DNAAF5: variants seen among roughly 807,000 people sequenced by gnomAD.
DNAAF5 encodes dynein axonemal assembly factor 5, also known as HEAT repeat containing 2.
In DNAAF5, 64 loss-of-function variants were observed where a neutral mutation model predicts 75.8. The observed-to-expected ratio is 0.84, with a 90% CI of 0.69 to 1.04. The LOEUF is 1.04. Ranked by LOEUF, DNAAF5 falls within the 50% of genes least tolerant of loss-of-function variation. DNAAF5 has a pLI of 0.00. For synonymous variants in DNAAF5, 657 were observed against 557.2 expected, an observed-to-expected ratio of 1.18 and a Z score of -2.52; for missense variants, 1,269 against 1,178.5, an observed-to-expected ratio of 1.08 and a Z score of -1.12.
At chr7:732,784 G>C (rs1781626977) in intron 2 of DNAAF5, among the ~76,000 whole-genome samples, 1 of 152,146 alleles carries the variant, frequency 6.6e-6, no homozygotes, top group African/African-American at 2.4e-5. Context: ...CATCCTGTGG[G>C]TTGTCTCCTC....
chr7:745,522 C>T lies in DNAAF5; in HGVS notation c.1024+4057C>T, dbSNP rs182849624. Among the ~76,000 whole-genome samples, 143 of 152,332 alleles carry T rather than the reference C, an allele frequency of 9.4e-4. No homozygotes were observed. In the East Asian group the frequency reaches 0.013, roughly 14 times the overall value. ...TCGCACACACGTGCACATATGCACA[C>T]GTGTGTACATGCATATCGTCACACG... On this transcript the variant is annotated intron_variant, in intron 4 of 12. Coordinates refer to ENST00000297440, the MANE Select transcript of DNAAF5 (RefSeq NM_017802.4).
intron 11 of DNAAF5, among the ~76,000 whole-genome samples, chr7:775,419 A>T (rs1241310623): frequency 2.0e-5 from 3 of 151,914 alleles, no homozygotes. Flanking sequence ...GGTGGCACAC[A>T]CCTGTAGTCC....
In DNAAF5 at chr7:775,174, CTGT is replaced by C. The variant is rs1562399807; in HGVS notation, c.2239+17_2239+19del. On this transcript the variant is annotated intron_variant, in intron 11 of 12. Coordinates refer to ENST00000297440, the MANE Select transcript of DNAAF5 (RefSeq NM_017802.4). ...CAGGATTTATCCTGGTAGGACATTT[CTGT>C]TGTTCACAGCCTGTGTATATGCAGT... The C allele has an allele frequency of 1.9e-6, 3 of 1,613,608 alleles. No homozygotes were observed. In the South Asian group the frequency reaches 3.3e-5, roughly 18 times the overall value.
At chr7:785,240 G>T (rs927569170) in intron 12 of DNAAF5, among the ~76,000 whole-genome samples, 1 of 148,292 alleles carries the variant, frequency 6.7e-6, no homozygotes, top group African/African-American at 2.4e-5. Flanking sequence ...ATCCAGCAGC[G>T]TCAGGTCATT....
chr7:757,171 C>T (rs939520429), intron 6 of DNAAF5, among the ~76,000 whole-genome samples, 177 bp downstream of exon 6: 1 of 152,270 alleles, frequency 6.6e-6, no homozygotes, highest in Non-Finnish European at 1.5e-5. Context: ...TCGGAAACAC[C>T]TGCAGTAACC....
chr7:775,254 CAG>C, intron 11 of DNAAF5, 92 bp downstream of exon 11: 2 of 1,145,026 alleles, frequency 1.7e-6, no homozygotes, highest in East Asian at 2.4e-5. Flanking sequence ...CACCCAAACT[CAG>C]ATCAAAACTA....
intron 4 of DNAAF5, among the ~76,000 whole-genome samples, chr7:742,817 GCCCCGCTCAAATCAATC>G: frequency 7.3e-6 from 1 of 137,144 alleles, no homozygotes; most frequent in Non-Finnish European, 1.5e-5. Flanking sequence ...CAAATCACAT[GCCCCGCTCAAATCAATC>G]ATGCCCAGCT....
At chr7:735,249 C>T (rs1036930049) in intron 2 of DNAAF5, among the ~76,000 whole-genome samples, 2 of 138,000 alleles carry the variant, frequency 1.4e-5, no homozygotes, top group South Asian at 2.3e-4. Flanking sequence ...TACCGTTGCT[C>T]GTGGTGTTGT....
At chr7:777,685 C>G (rs1778808276) in intron 11 of DNAAF5, among the ~76,000 whole-genome samples, 1 of 152,200 alleles carries the variant, frequency 6.6e-6, no homozygotes, top group African/African-American at 2.4e-5. Context: ...AAAGATGGTT[C>G]TTGCTAATTC....
In DNAAF5 at chr7:726,886, G is replaced by A; in HGVS notation, c.166G>A (p.Ala56Thr). Residue 56 changes from alanine (A) to threonine (T), a missense_variant, in exon 1 of 13, where the codon GCG (alanine) becomes ACG (threonine). Ala to Thr is a moderately conservative substitution (Grantham distance 58, BLOSUM62 0). Transcript: ENST00000297440. ...GCGCGCCTTGGAGGCCCTGCGGCGC[G>A]CGCTGGAGGAGCCAGGCCCTGCCGC... Reference protein sequence around the residue: ...RRRALEALRRALEEPGPAADP... With the variant: ...RRRALEALRRTLEEPGPAADP... The A allele has an allele frequency of 7.5e-7, 1 of 1,330,312 alleles. No homozygotes were observed. Among genetic ancestry groups the A allele is most frequent in the Non-Finnish European group, 9.6e-7 (1 of 1,042,600 alleles). 82.4% of individuals were successfully genotyped at this position (1,330,312 alleles called of 1,614,324 possible). A position where few individuals can be genotyped will look rare whatever the true frequency, so the allele number is the denominator to read the frequency against.
rs886038638 is a variant in DNAAF5 at position 729,646 on chromosome 7, G to A, written c.596-17G>A. 6.2e-7 allele frequency: 1 copy of A among 1,608,212 alleles called. No homozygotes were observed. ...GTGGGAGCAGCTCTGGTAACTGGGG[G>A]CCTCCCTGTCCCTCAGACCACTTCC... is the stretch of plus-strand genomic sequence containing the variant. On this transcript the variant is annotated splice_polypyrimidine_tract_variant and intron_variant, in intron 1 of 12. Transcript: ENST00000297440.
Position 770,451 on chromosome 7 carries a change from G to C in DNAAF5, c.1784-20G>C. The C allele has an allele frequency of 3.1e-6, 5 of 1,609,438 alleles. No homozygotes were observed. Among genetic ancestry groups the C allele is most frequent in the Non-Finnish European group, 4.2e-6 (5 of 1,177,956 alleles). On this transcript the variant is annotated intron_variant, in intron 8 of 12. Transcript: ENST00000297440. ...CGTCTCCTGAGGGCCGTGCACAGGA[G>C]CCTCTGTTGTGTCTTACAGGCCCTG...
intron 2 of DNAAF5, chr7:732,649 A>T: frequency 4.4e-6 from 2 of 455,996 alleles, no homozygotes; most frequent in Non-Finnish European, 8.8e-6. Flanking sequence ...CTTTTGAGAA[A>T]TGTCTATTCA....
In DNAAF5 at chr7:741,429, T is replaced by TTG; in HGVS notation, c.989_990insGT (p.Phe330LeufsTer49). Reference sequence around the variant, plus strand: ...GGAGGACCTGAAGGACAAGCTGGACTTTGCCCCTCCCACCCCACCCCATTA... The same window carrying TTG: ...GGAGGACCTGAAGGACAAGCTGGACTTGTTGCCCCTCCCACCCCACCCCATTA... On this transcript the variant is annotated frameshift_variant, in exon 4 of 13. Coordinates refer to ENST00000297440, the MANE Select transcript of DNAAF5 (RefSeq NM_017802.4). LOFTEE classifies it high-confidence loss of function. 6.4e-7 allele frequency: 1 copy of TTG among 1,570,792 alleles called. No individual in the cohort carries two copies. The highest frequency in any genetic ancestry group is 8.6e-7 in the Non-Finnish European group (1 of 1,158,066).
At chr7:743,047 T>A (rs1397394773) in intron 4 of DNAAF5, among the ~76,000 whole-genome samples, 1 of 152,210 alleles carries the variant, frequency 6.6e-6, no homozygotes, top group Non-Finnish European at 1.5e-5. Context: ...TGGAGGGAAA[T>A]GTATTCCGTC....
intron 4 of DNAAF5, among the ~76,000 whole-genome samples, chr7:752,132 G>T (rs945622941): frequency 2.0e-5 from 3 of 152,220 alleles, no homozygotes; most frequent in Non-Finnish European, 4.4e-5. Context: ...GCGGACCACT[G>T]ACTTGATGAA....
intron 6 of DNAAF5, among the ~76,000 whole-genome samples, chr7:760,028 C>T (rs957350999): frequency 6.6e-6 from 1 of 150,616 alleles, no homozygotes; most frequent in Non-Finnish European, 1.5e-5. Flanking sequence ...GTTGGGGCCA[C>T]GACAGGGCCA....
intron 2 of DNAAF5, among the ~76,000 whole-genome samples, chr7:738,694 A>G (rs1781809630): frequency 6.6e-6 from 1 of 152,138 alleles, no homozygotes; most frequent in Admixed American, 6.5e-5. Context: ...GCTAATTGGA[A>G]TTTGCAGGTT....
intron 4 of DNAAF5, among the ~76,000 whole-genome samples, 167 bp downstream of exon 4, chr7:741,632 C>T (rs966417880): frequency 6.6e-6 from 1 of 152,220 alleles, no homozygotes; most frequent in African/African-American, 2.4e-5. Context: ...GCATCCTGGG[C>T]AGAGCACGTC....
Sources: gnomAD v4.1 joint callset for allele counts (sites outside exome capture counted in the v4.1 genomes callset) on GRCh38, gnomAD v4.1.1 for gene constraint, MANE v1.5 for transcripts, NCBI Gene and HGNC (gene_info 2026-07-23, HGNC 2026-07-21) for gene names.